NCOR1: variants seen among roughly 807,000 people sequenced by gnomAD.
NCOR1 encodes the protein nuclear receptor corepressor 1.
Under a neutral mutation model 288.1 loss-of-function variants are expected in NCOR1, and 63 were observed. That is an observed-to-expected ratio of 0.22 (90% CI 0.18 to 0.27). The LOEUF is 0.27. Among genes scored for constraint, NCOR1 ranks in the 10% least tolerant of loss-of-function variants. The pLI is 1.00. For synonymous variants in NCOR1, 1,007 were observed against 1,065.9 expected, an observed-to-expected ratio of 0.94 and a Z score of 1.08; for missense variants, 2,397 against 3,019.2, an observed-to-expected ratio of 0.79 and a Z score of 4.83.
chr17:16,040,714 T>C (rs777322734), intron 42 of NCOR1: 8 of 564,168 alleles, frequency 1.4e-5, no homozygotes, highest in Non-Finnish European at 1.9e-5. Context: ...AATCAGGAAA[T>C]AGGTAAGGTA....
intron 22 of NCOR1, chr17:16,087,099 G>A (rs2064359223): frequency 2.6e-6 from 3 of 1,135,828 alleles, no homozygotes; most frequent in Non-Finnish European, 3.5e-6. Context: ...GTTCATTCAC[G>A]AGATTAAACC....
At chr17:16,076,876 T>G (rs2062540740) in intron 26 of NCOR1, among the ~76,000 whole-genome samples, 1 of 152,084 alleles carries the variant, frequency 6.6e-6, no homozygotes, top group Non-Finnish European at 1.5e-5. Context: ...GCTCAGCAAA[T>G]GAATGAGATG....
chr17:16,073,291 C>A, intron 28 of NCOR1, 138 bp downstream of exon 28: 1 of 728,528 alleles, frequency 1.4e-6, no homozygotes, highest in South Asian at 3.0e-5. Context: ...GTGGAAATGA[C>A]AGAAATTGCA....
chr17:16,160,136 T>C (rs1306788396), intron 5 of NCOR1, among the ~76,000 whole-genome samples: 1 of 152,066 alleles, frequency 6.6e-6, no homozygotes, highest in Non-Finnish European at 1.5e-5. Flanking sequence ...CTGGCTCCCT[T>C]AACTCAATAT....
intron 14 of NCOR1, among the ~76,000 whole-genome samples, chr17:16,133,220 T>C (rs1276199863): frequency 1.3e-5 from 2 of 152,180 alleles, no homozygotes; most frequent in Non-Finnish European, 2.9e-5. Flanking sequence ...CCACCCGCCC[T>C]GGACTCCCAA....
intron 9 of NCOR1, among the ~76,000 whole-genome samples, chr17:16,148,567 A>G (rs765978939): frequency 9.4e-5 from 14 of 149,456 alleles, no homozygotes; most frequent in Admixed American, 3.5e-4. Flanking sequence ...TCACCAGTGA[A>G]CTTATTTAGT....
intron 40 of NCOR1, among the ~76,000 whole-genome samples, chr17:16,056,352 G>T (rs148655043): frequency 2.4e-5 from 3 of 126,440 alleles, no homozygotes; most frequent in East Asian, 4.6e-4. Flanking sequence ...TCGCTCTGTC[G>T]CCCAGGCTGC....
At chr17:16,135,767 T>C (rs1162121434) in intron 14 of NCOR1, among the ~76,000 whole-genome samples, 1 of 152,056 alleles carries the variant, frequency 6.6e-6, no homozygotes, top group Non-Finnish European at 1.5e-5. Flanking sequence ...CTGTGGGAAA[T>C]AATGACCCAG....
chr17:16,120,956 G>A, intron 16 of NCOR1, 96 bp downstream of exon 16: 1 of 1,108,944 alleles, frequency 9.0e-7, no homozygotes, highest in Non-Finnish European at 1.3e-6. Flanking sequence ...TTATTTCTAG[G>A]TTGTCAATAT....
chr17:16,196,724 C>CT (rs748480235), intron 1 of NCOR1, among the ~76,000 whole-genome samples: 69 of 149,060 alleles, frequency 4.6e-4, no homozygotes, highest in Non-Finnish European at 9.0e-4. Flanking sequence ...ACTGGGGAGA[C>CT]TGAGGCAGGA....
At chr17:16,192,249 C>T (rs2088574585) in intron 2 of NCOR1, 1 of 150,976 alleles carries the variant, frequency 6.6e-6, no homozygotes, top group Non-Finnish European at 1.5e-5. Context: ...CACAGTGGCT[C>T]ACACCTGAAA....
At position 16,159,608 on chromosome 17, in the gene NCOR1, A is replaced by G. The variant is rs1280759835; in HGVS notation, c.619-735T>C. ...CTGGGCAGAATATGGTAGAAAGGAGATCAAGGGTTAACCCTTAACTCAGCA... is the reference window on the plus strand; with the variant it reads ...CTGGGCAGAATATGGTAGAAAGGAGGTCAAGGGTTAACCCTTAACTCAGCA... On this transcript the variant is annotated intron_variant, in intron 5 of 45. Coordinates refer to ENST00000268712, the MANE Select transcript of NCOR1 (RefSeq NM_006311.4). Among the ~76,000 whole-genome samples, 4 of 152,206 alleles carry G rather than the reference A, an allele frequency of 2.6e-5. No individual in the cohort carries two copies. The East Asian group carries it at 7.7e-4, about 29-fold the overall frequency.
chr17:16,117,531 A>AC (rs2071921177), intron 18 of NCOR1, among the ~76,000 whole-genome samples: 2 of 151,420 alleles, frequency 1.3e-5, no homozygotes, highest in African/African-American at 4.9e-5. Context: ...AAAAAAAAAA[A>AC]AAACATCAAG....
Position 16,137,355 on chromosome 17 carries a change from C to A in NCOR1, c.1465G>T (p.Ala489Ser). The part of the protein sequence containing the change: ...YLTKKNENYK[A>S]LVRRNYGKRR... ...TTCCCATAATTCCTTCTGACGAGGG[C>A]TTTATAATTCTCATTTTTCTTGGTT... The change falls in exon 14 of 46, where the codon GCC becomes TCC. Residue 489 changes from alanine to serine, a missense_variant. By Grantham distance (99) the Ala-to-Ser change is moderately conservative. This residue lies in a region of NCOR1 where 7 missense variants were observed against 30.5 expected (regional missense o/e 0.23). Coordinates refer to ENST00000268712, the MANE Select transcript of NCOR1 (RefSeq NM_006311.4). The A allele has an allele frequency of 4.4e-6, 7 of 1,603,670 alleles. No homozygotes were observed. Among genetic ancestry groups the A allele is most frequent in the Non-Finnish European group, 6.0e-6 (7 of 1,174,232 alleles).
chr17:16,053,985 A>G (rs2059608184), intron 40 of NCOR1, among the ~76,000 whole-genome samples: 1 of 151,454 alleles, frequency 6.6e-6, no homozygotes, highest in Admixed American at 6.6e-5. Flanking sequence ...ATAACTGGCT[A>G]TCACATGCAG....
At position 16,031,447 on chromosome 17, in the gene NCOR1, T is replaced by C. The variant is rs1971971554; in HGVS notation, c.*849A>G. Reference sequence around the variant, plus strand: ...ATTTATTTCAAAACAAAAGCTTTGTTGGGCTGCATCAAATGCAGGAGAAAA... The same window carrying C: ...ATTTATTTCAAAACAAAAGCTTTGTCGGGCTGCATCAAATGCAGGAGAAAA... On this transcript the variant is annotated 3_prime_UTR_variant, in exon 46 of 46. Coordinates refer to ENST00000268712, the MANE Select transcript of NCOR1 (RefSeq NM_006311.4). 1 of 195,576 alleles carries C rather than the reference T, an allele frequency of 5.1e-6. No individual in the cohort carries two copies. Among genetic ancestry groups the C allele is most frequent in the Non-Finnish European group, 1.1e-5 (1 of 94,154 alleles). 12.1% of individuals were successfully genotyped at this position (195,576 alleles called of 1,614,324 possible).
chr17:16,101,630 T>C lies in NCOR1; in HGVS notation c.2310A>G (p.Pro770=). The change falls in exon 20 of 46, where the codon CCA becomes CCG. Residue 770 remains proline, a synonymous_variant. Coordinates refer to ENST00000268712, the MANE Select transcript of NCOR1 (RefSeq NM_006311.4). ...APSTSPSLAV[P]STKPAEDESV... Reference sequence around the variant, plus strand: ...TTTCATCTTCAGCTGGTTTTGTACTTGGAACTGCTAAGGAGGGAGATGTAC... The same window carrying C: ...TTTCATCTTCAGCTGGTTTTGTACTCGGAACTGCTAAGGAGGGAGATGTAC... 6.2e-7 allele frequency: 1 copy of C among 1,614,214 alleles called. No homozygotes were observed. The highest frequency in any genetic ancestry group is 1.1e-5 in the South Asian group (1 of 91,084).
intron 27 of NCOR1, among the ~76,000 whole-genome samples, chr17:16,074,279 G>T (rs950649234): frequency 4.6e-5 from 7 of 152,204 alleles, no homozygotes; most frequent in African/African-American, 1.7e-4. Context: ...ATCAGTCAAG[G>T]AGTGACGTGG....
At chr17:16,082,823 T>C (rs1218453794) in intron 23 of NCOR1, among the ~76,000 whole-genome samples, 5 of 96,848 alleles carry the variant, frequency 5.2e-5, no homozygotes, top group African/African-American at 1.7e-4. Flanking sequence ...ATAGAAATTC[T>C]GGAGCTAAAA....
Sources: allele counts gnomAD v4.1 joint callset (sites outside exome capture counted in the v4.1 genomes callset), GRCh38; gene constraint gnomAD v4.1.1; regional missense constraint gnomAD v4.1.1; transcripts MANE v1.5; gene names NCBI Gene and HGNC (gene_info 2026-07-23, HGNC 2026-07-21).